Variants in DIDO1 observed in about 807,000 individuals in gnomAD.
DIDO1 encodes death-inducer obliterator 1.
In DIDO1, 16 loss-of-function variants were observed where a neutral mutation model predicts 99.4. The observed-to-expected ratio is 0.16, with a 90% CI of 0.11 to 0.24. The LOEUF (loss-of-function observed/expected upper bound fraction) is 0.24, where lower values mean the gene tolerates loss of function less well. DIDO1 is among the 10% of genes least tolerant of loss of function. The pLI, the probability that DIDO1 is intolerant of heterozygous loss-of-function variation, is 1.00. For missense variants in DIDO1, 2,996 were observed against 3,014.0 expected, an observed-to-expected ratio of 0.99 and a Z score of 0.14; for synonymous variants, 1,366 against 1,239.1, an observed-to-expected ratio of 1.10 and a Z score of -2.15.
chr20:62,879,255 G>A lies in DIDO1; in HGVS notation c.6701C>T (p.Ala2234Val), dbSNP rs749737380. ...PKPEASRASD[A>V]GTASQA Reference sequence around the variant, plus strand: ...CGTCTAGGCCTGCGAGGCGGTGCCAGCGTCGGAGGCCCTCGAGGCCTCGGG... The same window carrying A: ...CGTCTAGGCCTGCGAGGCGGTGCCAACGTCGGAGGCCCTCGAGGCCTCGGG... The change falls in exon 16 of 16, where the codon GCT (alanine) becomes GTT (valine). Residue 2234 changes from alanine (A) to valine (V), a missense_variant. Physicochemically the swap from Ala to Val is moderately conservative, Grantham distance 64. Transcript: ENST00000395343. The surrounding 1 kb of genome is among the most constrained non-coding windows in gnomAD (Gnocchi z 6.3). The A allele has an allele frequency of 1.9e-6, 3 of 1,544,100 alleles. No individual in the cohort carries two copies. The highest frequency in any genetic ancestry group is 2.3e-5 in the East Asian group (1 of 42,958).
chr20:62,901,158 G>A (rs1378706303), intron 6 of DIDO1, among the ~76,000 whole-genome samples: 7 of 152,206 alleles, frequency 4.6e-5, no homozygotes, highest in Non-Finnish European at 7.3e-5. Flanking sequence ...AAATACAGCA[G>A]GCAGACTACA....
Position 62,896,157 on chromosome 20 carries a change from C to A in DIDO1, c.2214+76G>T. ...TTTCCTGGAAAGGACACGAACATCT[C>A]AAAATATTGGTTGATCCCTTTAGCA... On this transcript the variant is annotated intron_variant, in intron 8 of 15. Transcript: ENST00000395343. The surrounding 1 kb of genome is among the most constrained non-coding windows in gnomAD (Gnocchi z 4.4). 7.0e-7 allele frequency: 1 copy of A among 1,422,122 alleles called. No homozygotes were observed. 88.1% of individuals were successfully genotyped at this position (1,422,122 alleles called of 1,614,324 possible). A position where few individuals can be genotyped will look rare whatever the true frequency, so the allele number is the denominator to read the frequency against.
At chr20:62,907,625 CCT>C in intron 4 of DIDO1, among the ~76,000 whole-genome samples, 1 of 152,382 alleles carries the variant, frequency 6.6e-6, no homozygotes, top group Admixed American at 6.5e-5. Flanking sequence ...TCTGTGCACC[CCT>C]CTCGAGGGTG....
At position 62,878,208 on chromosome 20, in the gene DIDO1, G is replaced by C. The variant is rs2064139243; in HGVS notation, c.*1025C>G. 6.6e-6 allele frequency: 1 copy of C among 152,158 alleles called. No individual in the cohort carries two copies. Among genetic ancestry groups the C allele is most frequent in the Non-Finnish European group, 1.5e-5 (1 of 68,024 alleles). 9.4% of individuals were successfully genotyped at this position (152,158 alleles called of 1,614,324 possible). Reference sequence around the variant, plus strand: ...AAAGTGTATTTGTACAAATAAATTAGCCAGATTTTTTTACTTCACACTTCA... The same window carrying C: ...AAAGTGTATTTGTACAAATAAATTACCCAGATTTTTTTACTTCACACTTCA... On this transcript the variant is annotated 3_prime_UTR_variant, in exon 16 of 16. Transcript: ENST00000395343.
intron 15 of DIDO1, chr20:62,889,689 A>C (rs2064360043): frequency 1.0e-6 from 1 of 985,266 alleles, no homozygotes; most frequent in Non-Finnish European, 1.2e-6. Flanking sequence ...AGAGCTCTTC[A>C]CAAGCAACAC....
chr20:62,929,692 A>AAAATATATATATATATAT, upstream of DIDO1, among the ~76,000 whole-genome samples: 3 of 63,710 alleles, frequency 4.7e-5, no homozygotes, highest in South Asian at 1.7e-3. Flanking sequence ...AAAAAGAAAA[A>AAAATATATATATATATAT]GTGTATATAT....
In DIDO1 at chr20:62,908,845, C is replaced by T. The variant is rs75010899; in HGVS notation, c.1161+854G>A. On this transcript the variant is annotated intron_variant, in intron 4 of 15. Transcript: ENST00000395343. ...CCGAACTCCAGCCTGGGCAACAGAG[C>T]GAAGCCTCAACTGCACAAAAAACAG... 5.3e-4 allele frequency among the ~76,000 whole-genome samples: 81 copies of T among 152,234 alleles called. No individual in the cohort carries two copies. In the East Asian group the frequency reaches 0.012, roughly 22 times the overall value.
At position 62,879,063 on chromosome 20, in the gene DIDO1, G is replaced by C; in HGVS notation, c.*170C>G. 1 of 557,334 alleles carries C rather than the reference G, an allele frequency of 1.8e-6. No individual in the cohort carries two copies. Among genetic ancestry groups the C allele is most frequent in the Non-Finnish European group, 2.8e-6 (1 of 356,274 alleles). 34.5% of individuals were successfully genotyped at this position (557,334 alleles called of 1,614,324 possible). A position where few individuals can be genotyped will look rare whatever the true frequency, so the allele number is the denominator to read the frequency against. On this transcript the variant is annotated 3_prime_UTR_variant, in exon 16 of 16. Transcript: ENST00000395343. This position sits in a 1 kb window ranked among gnomAD's most constrained non-coding sequence, Gnocchi z 6.3. ...GTTTAGTTTTTTTAAAAAAGCATCA[G>C]AATTGTAAAGATGTGAAATCTTGTA...
upstream of DIDO1, chr20:62,928,527 G>T (rs897924192): frequency 6.6e-6 from 1 of 152,168 alleles, no homozygotes; most frequent in Non-Finnish European, 1.5e-5. Flanking sequence ...CTTACCTGCC[G>T]TCACTATTCC....
intron 6 of DIDO1, chr20:62,905,468 A>G (rs1600979579): frequency 1.6e-5 from 25 of 1,541,342 alleles, no homozygotes; most frequent in Non-Finnish European, 2.1e-5. Context: ...GCCGTGGACA[A>G]TGTGGAAAAA....
In DIDO1 at chr20:62,880,863, G is replaced by A. The variant is rs769340594; in HGVS notation, c.5093C>T (p.Ala1698Val). The A allele has an allele frequency of 9.3e-6, 15 of 1,612,544 alleles. No homozygotes were observed. Among genetic ancestry groups the A allele is most frequent in the Middle Eastern group, 1.6e-4 (1 of 6,084 alleles). ...AAGATTTCTTGGGTCCTCATACTGG[G>A]CTGAGCCGAGAGCCTTGTCCTGCGA... is the stretch of plus-strand genomic sequence containing the variant. The part of the protein sequence containing the change: ...FASQDKALGS[A>V]QYEDPRNLHS... The change falls in exon 16 of 16, where the codon GCC becomes GTC. Residue 1698 changes from alanine to valine, a missense_variant. By Grantham distance (64) the Ala-to-Val change is moderately conservative. Coordinates refer to ENST00000395343, the MANE Select transcript of DIDO1 (RefSeq NM_001193369.2).
chr20:62,881,940 G>T lies in DIDO1; in HGVS notation c.4016C>A (p.Thr1339Asn), dbSNP rs762099681. ...DPSAREPPGSTAGLPQEPKTT... is the reference protein window; with the variant it reads ...DPSAREPPGSNAGLPQEPKTT... ...TTTGGGCTCCTGGGGGAGACCTGCG[G>T]TGGACCCGGGAGGCTCTCTGGCGGA... Residue 1339 changes from threonine to asparagine, a missense_variant, in exon 16 of 16, where the codon ACC (threonine) becomes AAC (asparagine). This residue lies in a region of DIDO1 where 1,562 missense variants were observed against 1,412.6 expected (regional missense o/e 1.11). Transcript: ENST00000395343. The surrounding 1 kb of genome is among the most constrained non-coding windows in gnomAD (Gnocchi z 8.3). 3 of 1,613,416 alleles carry T rather than the reference G, an allele frequency of 1.9e-6. No individual in the cohort carries two copies. The highest frequency in any genetic ancestry group is 2.5e-6 in the Non-Finnish European group (3 of 1,180,038).
At position 62,894,565 on chromosome 20, in the gene DIDO1, A is replaced by T; in HGVS notation, c.2437-17T>A. The T allele has an allele frequency of 6.3e-7, 1 of 1,598,986 alleles. No individual in the cohort carries two copies. Among genetic ancestry groups the T allele is most frequent in the Non-Finnish European group, 8.5e-7 (1 of 1,174,274 alleles). The stretch of plus-strand genomic sequence containing the variant: ...TTGCTGTTCCTAAAAAAGAAAAAGA[A>T]AAAAAAGTGAGGTCGTTTCTTCTCC... On this transcript the variant is annotated splice_polypyrimidine_tract_variant and intron_variant, in intron 10 of 15. Coordinates refer to ENST00000395343, the MANE Select transcript of DIDO1 (RefSeq NM_001193369.2). The surrounding 1 kb of genome is among the most constrained non-coding windows in gnomAD (Gnocchi z 4.4).
chr20:62,919,227 T>A (rs1234737254), intron 1 of DIDO1, among the ~76,000 whole-genome samples: 1 of 152,230 alleles, frequency 6.6e-6, no homozygotes, highest in African/African-American at 2.4e-5. Flanking sequence ...AAAGTTTTGC[T>A]GCTTACCAAA....
At chr20:62,910,407 C>G (rs190158433) in intron 3 of DIDO1, among the ~76,000 whole-genome samples, 85 of 152,360 alleles carry the variant, frequency 5.6e-4, no homozygotes, top group Non-Finnish European at 1.0e-3. Flanking sequence ...GCACATGCCC[C>G]TCTGCTATGT....
rs1353583440 is a variant in DIDO1 at position 62,878,251 on chromosome 20, C to A, written c.*982G>T. On this transcript the variant is annotated 3_prime_UTR_variant, in exon 16 of 16. Coordinates refer to ENST00000395343, the MANE Select transcript of DIDO1 (RefSeq NM_001193369.2). ...ACACTTCAGAAGTACTCGAAAAATA[C>A]ACGACAAGCAAGAGACTGTTTCACA... The A allele has an allele frequency of 6.6e-6, 1 of 152,162 alleles. No individual in the cohort carries two copies. The highest frequency in any genetic ancestry group is 1.5e-5 in the Non-Finnish European group (1 of 68,030). The allele number at this position is 152,162 out of a possible 1,614,324, so 9.4% of individuals were successfully genotyped here. A position where few individuals can be genotyped will look rare whatever the true frequency, so the allele number is the denominator to read the frequency against.
chr20:62,884,661 G>C (rs1390043521), intron 15 of DIDO1, among the ~76,000 whole-genome samples: 1 of 152,224 alleles, frequency 6.6e-6, no homozygotes, highest in African/African-American at 2.4e-5. Context: ...GAAGATGGGT[G>C]AAGGCAGGAA....
rs1600901639 is a variant in DIDO1, at chr20:62,881,550, G to A, written c.4406C>T (p.Thr1469Met). 2 of 1,611,814 alleles carry A rather than the reference G, an allele frequency of 1.2e-6. No homozygotes were observed. The highest frequency in any genetic ancestry group is 8.5e-7 in the Non-Finnish European group (1 of 1,180,034). ...CTTCTGTTGCTCCACCAGGGAGGGC[G>A]TCGCAGCCCCGGCCACCGGCTCGGC... ...RPAEPVAGAA[T>M]PSLVEQQKML... is the part of the protein sequence containing the mutation. Residue 1469 changes from threonine (T) to methionine (M), a missense_variant, in exon 16 of 16, where the codon ACG becomes ATG. By Grantham distance (81) the Thr-to-Met change is moderately conservative. Around this residue, in one of 5 missense-constraint regions of DIDO1, gnomAD observed 1,562 missense variants for 1,412.6 expected, o/e 1.11. Coordinates refer to ENST00000395343, the MANE Select transcript of DIDO1 (RefSeq NM_001193369.2). The surrounding 1 kb of genome is among the most constrained non-coding windows in gnomAD (Gnocchi z 8.3).
In DIDO1 at chr20:62,879,673, GC is replaced by G; in HGVS notation, c.6282del (p.Glu2097ArgfsTer177). ...GGCTCCTCCAGCGGCTTCTCTTTGGGCCCCACGTCAAACCGCTCTCTCTGCC... is the reference window on the plus strand; with the variant it reads ...GGCTCCTCCAGCGGCTTCTCTTTGGGCCCACGTCAAACCGCTCTCTCTGCC... The part of the protein sequence containing the change: ...EGRQRERFDV[G>X]PKEKPLEEPD... On this transcript the variant is annotated frameshift_variant, in exon 16 of 16. Coordinates refer to ENST00000395343, the MANE Select transcript of DIDO1 (RefSeq NM_001193369.2). LOFTEE classifies it low-confidence loss of function (END_TRUNC). This position sits in a 1 kb window ranked among gnomAD's most constrained non-coding sequence, Gnocchi z 6.3. 6.2e-7 allele frequency: 1 copy of G among 1,609,446 alleles called. No individual in the cohort carries two copies.
Sources: gnomAD v4.1 joint callset for allele counts (sites outside exome capture counted in the v4.1 genomes callset) on GRCh38, gnomAD v4.1.1 for gene constraint, gnomAD v4.1.1 regional missense constraint, Gnocchi (gnomAD v3.1) non-coding constraint, MANE v1.5 for transcripts, NCBI Gene and HGNC (gene_info 2026-07-23, HGNC 2026-07-21) for gene names.